Variants in CYP7B1 observed in about 807,000 individuals in gnomAD.
CYP7B1 encodes cytochrome P450 family 7 subfamily B member 1.
In CYP7B1, 29 loss-of-function variants were observed where a neutral mutation model predicts 42.7. The ratio of observed to expected loss-of-function variants is 0.68; its 90% confidence interval spans 0.51 to 0.93. The LOEUF is 0.93. Ranked by LOEUF, CYP7B1 falls within the 40% of genes least tolerant of loss-of-function variation. The pLI, the probability that CYP7B1 is intolerant of heterozygous loss-of-function variation, is 0.00. For synonymous variants in CYP7B1, 235 were observed against 218.2 expected, an observed-to-expected ratio of 1.08 and a Z score of -0.68; for missense variants, 655 against 600.5, an observed-to-expected ratio of 1.09 and a Z score of -0.95.
chr8:64,687,499 A>C (rs1806673907), intron 1 of CYP7B1, among the ~76,000 whole-genome samples: 1 of 152,224 alleles, frequency 6.6e-6, no homozygotes, highest in Admixed American at 6.5e-5. Flanking sequence ...TTCTAAAAAA[A>C]ACCTGATGAA....
At chr8:64,752,168 C>G (rs1186950456) in intron 1 of CYP7B1, among the ~76,000 whole-genome samples, 1 of 149,374 alleles carries the variant, frequency 6.7e-6, no homozygotes, top group Non-Finnish European at 1.5e-5. Flanking sequence ...GATGTATGTA[C>G]TCCAGAAAAA....
rs1024926474 is a variant in CYP7B1, at chr8:64,616,286, A to G, written c.260-5T>C. 12 of 941,000 alleles carry G rather than the reference A, an allele frequency of 1.3e-5. No homozygotes were observed. The highest frequency in any genetic ancestry group is 8.3e-5 in the Admixed American group (3 of 36,036). 58.3% of individuals were successfully genotyped at this position (941,000 alleles called of 1,614,324 possible). On this transcript the variant is annotated splice_region_variant and splice_polypyrimidine_tract_variant and intron_variant, in intron 2 of 5. Coordinates refer to ENST00000310193, the MANE Select transcript of CYP7B1 (RefSeq NM_004820.5). ...GGATAAATGTTATGTACTTTCCTAG[A>G]AAAAAAAAAAGAGAGAGAAAATATG...
chr8:64,689,773 G>T (rs1277215293), intron 1 of CYP7B1, among the ~76,000 whole-genome samples: 1 of 151,960 alleles, frequency 6.6e-6, no homozygotes, highest in Non-Finnish European at 1.5e-5. Context: ...TCACCATGTG[G>T]GCCAGGCTGC....
intron 1 of CYP7B1, among the ~76,000 whole-genome samples, chr8:64,764,092 C>A (rs1807932628): frequency 6.6e-6 from 1 of 152,108 alleles, no homozygotes; most frequent in African/African-American, 2.4e-5. Context: ...AGGTATACAG[C>A]TCTCAACATA....
At chr8:64,608,414 G>A (rs1358205291) in intron 4 of CYP7B1, among the ~76,000 whole-genome samples, 1 of 152,200 alleles carries the variant, frequency 6.6e-6, no homozygotes, top group Non-Finnish European at 1.5e-5. Context: ...TGTATATGTG[G>A]AATGAATGTA....
intron 4 of CYP7B1, among the ~76,000 whole-genome samples, chr8:64,614,198 T>C (rs1202389250): frequency 6.6e-6 from 1 of 152,048 alleles, no homozygotes; most frequent in Non-Finnish European, 1.5e-5. Flanking sequence ...CTCAAAGTAG[T>C]AAAGGGGAAC....
At chr8:64,617,596 C>G (rs1671769914) in intron 2 of CYP7B1, among the ~76,000 whole-genome samples, 1 of 152,010 alleles carries the variant, frequency 6.6e-6, no homozygotes, top group Admixed American at 6.6e-5. Flanking sequence ...CTTTCCTGTA[C>G]AGAACAGGCA....
intron 1 of CYP7B1, among the ~76,000 whole-genome samples, chr8:64,765,143 A>T (rs2129633826): frequency 6.6e-6 from 1 of 152,314 alleles, no homozygotes; most frequent in African/African-American, 2.4e-5. Context: ...ATCTATACCA[A>T]TTCTAAGTCA....
At chr8:64,667,501 T>C (rs550168436) in intron 1 of CYP7B1, among the ~76,000 whole-genome samples, 6 of 152,288 alleles carry the variant, frequency 3.9e-5, no homozygotes, top group East Asian at 1.9e-4. Context: ...CTGGTGACAA[T>C]AGTGACCTTT....
chr8:64,732,529 T>C (rs1477505334), intron 1 of CYP7B1, among the ~76,000 whole-genome samples: 1 of 152,190 alleles, frequency 6.6e-6, no homozygotes, highest in Non-Finnish European at 1.5e-5. Context: ...TTGCCTTGTT[T>C]CAGATGAGAC....
chr8:64,725,101 C>T (rs1807302697), intron 1 of CYP7B1, among the ~76,000 whole-genome samples: 1 of 152,176 alleles, frequency 6.6e-6, no homozygotes, highest in Admixed American at 6.5e-5. Flanking sequence ...AATCCGTAAC[C>T]ATTAGATCAC....
Position 64,590,903 on chromosome 8 carries a change from G to A in CYP7B1, c.*5739C>T, listed in dbSNP as rs776060526. Among the ~76,000 whole-genome samples the A allele has an allele frequency of 1.6e-4, 24 of 152,200 alleles. No homozygotes were observed. The highest frequency in any genetic ancestry group is 3.1e-4 in the Non-Finnish European group (21 of 67,974). On this transcript the variant is annotated 3_prime_UTR_variant, in exon 6 of 6. Coordinates refer to ENST00000310193, the MANE Select transcript of CYP7B1 (RefSeq NM_004820.5). ...TTTGTTGTACATAAAAGAACATTAA[G>A]TATTAGACTTGCAAAGCACTTGCAT... is the stretch of plus-strand genomic sequence containing the variant.
At position 64,596,797 on chromosome 8, in the gene CYP7B1, G is replaced by C. The variant is rs374277863; in HGVS notation, c.1366C>G (p.Leu456Val). 2.5e-6 allele frequency: 4 copies of C among 1,613,882 alleles called. No homozygotes were observed. The African/African-American group carries it at 5.3e-5, about 22-fold the overall frequency. Reference protein sequence around the residue: ...TSKCPGRFFALMEIKQLLVIL... With the variant: ...TSKCPGRFFAVMEIKQLLVIL... ...ACCAACAATTGTTTTATTTCCATAA[G>C]TGCAAAAAATCGGCCTGGACATTTG... is the stretch of plus-strand genomic sequence containing the variant. The change falls in exon 6 of 6, where the codon CTT becomes GTT. Residue 456 changes from leucine to valine, a missense_variant. Leu to Val is a conservative substitution (Grantham distance 32). Transcript: ENST00000310193.
intron 1 of CYP7B1, among the ~76,000 whole-genome samples, chr8:64,788,190 A>T (rs143088068): frequency 6.6e-6 from 1 of 152,344 alleles, no homozygotes; most frequent in Non-Finnish European, 1.5e-5. Flanking sequence ...GTTAACAATG[A>T]TGTATCAATA....
intron 1 of CYP7B1, among the ~76,000 whole-genome samples, chr8:64,705,245 C>T (rs1212620659): frequency 6.6e-6 from 1 of 151,756 alleles, no homozygotes; most frequent in Non-Finnish European, 1.5e-5. Flanking sequence ...GGGGAATCAC[C>T]ACCTTTTCAT....
chr8:64,664,788 T>C (rs1806250990), intron 1 of CYP7B1, among the ~76,000 whole-genome samples: 1 of 152,214 alleles, frequency 6.6e-6, no homozygotes, highest in African/African-American at 2.4e-5. Context: ...TTATCCTTTA[T>C]CTATAAATTC....
intron 1 of CYP7B1, among the ~76,000 whole-genome samples, chr8:64,726,607 T>A (rs1807328878): frequency 6.6e-6 from 1 of 152,216 alleles, no homozygotes; most frequent in African/African-American, 2.4e-5. Flanking sequence ...GCTGCCTGAT[T>A]TGCAAGATTT....
intron 4 of CYP7B1, among the ~76,000 whole-genome samples, chr8:64,614,203 G>A (rs867125079): frequency 2.0e-5 from 3 of 151,988 alleles, no homozygotes; most frequent in Admixed American, 6.6e-5. Flanking sequence ...AGTAGTAAAG[G>A]GGAACGAAAT....
chr8:64,701,275 T>C (rs6472148), intron 1 of CYP7B1, among the ~76,000 whole-genome samples: 111,741 of 151,848 alleles, frequency 0.74, 41,381 homozygotes, highest in Middle Eastern at 0.84. Context: ...TCCTCCACAC[T>C]TCACCCAAAT....
Sources: allele counts gnomAD v4.1 joint callset (sites outside exome capture counted in the v4.1 genomes callset), GRCh38; gene constraint gnomAD v4.1.1; transcripts MANE v1.5; gene names NCBI Gene and HGNC (gene_info 2026-07-23, HGNC 2026-07-21).